The following EYS variants were observed in gnomAD, a reference collection of about 807,000 sequenced individuals.
The protein encoded by EYS is protein eyes shut homolog.
EYS carries 250 observed loss-of-function variants against 282.1 expected under a neutral mutation model. The ratio of observed to expected loss-of-function variants is 0.89; its 90% CI spans 0.80 to 0.98. EYS has a LOEUF of 0.98. Among genes scored for constraint, EYS ranks in the 50% least tolerant of loss-of-function variants. The pLI is 0.00. For synonymous variants in EYS, 1,355 were observed against 1,282.9 expected (o/e 1.06, Z -1.20); for missense variants, 4,016 against 3,709.0 (o/e 1.08, Z -2.15).
chr6:64,926,930 A>G (rs1768536418), intron 15 of EYS, among the ~76,000 whole-genome samples: 1 of 152,248 alleles, frequency 6.6e-6, no homozygotes, highest in Non-Finnish European at 1.5e-5. Flanking sequence ...CAGGCGATAT[A>G]CGTCATGATT....
chr6:64,214,781 A>T (rs1562256712), intron 31 of EYS, among the ~76,000 whole-genome samples: 1 of 152,072 alleles, frequency 6.6e-6, no homozygotes, highest in African/African-American at 2.4e-5. Flanking sequence ...CATTTATGTT[A>T]TGGAATTTAT....
At chr6:63,803,512 C>G (rs979788495) in intron 37 of EYS, among the ~76,000 whole-genome samples, 1 of 152,156 alleles carries the variant, frequency 6.6e-6, no homozygotes, top group African/African-American at 2.4e-5. Flanking sequence ...TAATGCAGAA[C>G]AGGCTGTCCA....
At chr6:65,073,468 A>G (rs955731499) in intron 12 of EYS, among the ~76,000 whole-genome samples, 1 of 151,760 alleles carries the variant, frequency 6.6e-6, no homozygotes, top group Non-Finnish European at 1.5e-5. Context: ...TCAATATGAG[A>G]ATAGGTAGTG....
chr6:64,535,790 G>A (rs923629387), intron 26 of EYS, among the ~76,000 whole-genome samples: 3 of 151,652 alleles, frequency 2.0e-5, no homozygotes, highest in African/African-American at 7.3e-5. Flanking sequence ...AAACATTGAC[G>A]GATTAAAATG....
At chr6:65,574,039 T>C (rs73449371) in intron 2 of EYS, among the ~76,000 whole-genome samples, 13,622 of 152,188 alleles carry the variant, frequency 0.09, 843 homozygotes, top group African/African-American at 0.15. Flanking sequence ...TCACAGACAG[T>C]AACCAACATG....
At chr6:64,273,345 C>A (rs923563048) in intron 30 of EYS, among the ~76,000 whole-genome samples, 2 of 152,056 alleles carry the variant, frequency 1.3e-5, no homozygotes, top group African/African-American at 4.8e-5. Context: ...GCATAAAGTC[C>A]ATTTTTCCTT....
At chr6:65,271,707 C>T (rs1465679842) in intron 12 of EYS, among the ~76,000 whole-genome samples, 2 of 151,992 alleles carry the variant, frequency 1.3e-5, no homozygotes, top group African/African-American at 4.8e-5. Flanking sequence ...CTCAATCTCC[C>T]TCATAGCTGG....
Position 64,890,056 on chromosome 6 carries a change from C to CCT in EYS, c.2847-3215_2847-3214insAG, listed in dbSNP as rs1554214898. Among the ~76,000 whole-genome samples, 95 of 139,152 alleles carry CCT rather than the reference C, an allele frequency of 6.8e-4. No individual in the cohort carries two copies. In the East Asian group the frequency reaches 7.2e-3, roughly 10 times the overall value. 91.3% of individuals were successfully genotyped at this position (139,152 alleles called of 152,430 possible). ...ATAGGCCTATAAATGCCCCCCCCCC[C>CCT]CAAGGTGTGCCCATCTCTTATGGTT... is the stretch of plus-strand genomic sequence containing the variant. On this transcript the variant is annotated intron_variant, in intron 18 of 42. Coordinates refer to ENST00000503581, the MANE Select transcript of EYS (RefSeq NM_001142800.2).
At chr6:63,904,739 C>T (rs1229428515) in intron 35 of EYS, among the ~76,000 whole-genome samples, 1 of 152,164 alleles carries the variant, frequency 6.6e-6, no homozygotes, top group African/African-American at 2.4e-5. Context: ...CCTGGAGAAG[C>T]AACAGGCATT....
At chr6:64,577,598 G>T (rs568970920) in intron 26 of EYS, among the ~76,000 whole-genome samples, 15 of 152,122 alleles carry the variant, frequency 9.9e-5, no homozygotes, top group African/African-American at 3.6e-4. Flanking sequence ...TAGTTAAGTA[G>T]AGTTCCTCAA....
intron 15 of EYS, among the ~76,000 whole-genome samples, chr6:64,919,271 A>T (rs887172024): frequency 1.3e-5 from 2 of 152,090 alleles, no homozygotes; most frequent in African/African-American, 4.8e-5. Context: ...GCCCGGGTTC[A>T]AGCGATTCTC....
intron 35 of EYS, among the ~76,000 whole-genome samples, chr6:63,938,712 TATTTCATCCAAAATCATACCAA>T (rs1765144863): frequency 6.6e-6 from 1 of 152,242 alleles, no homozygotes; most frequent in Non-Finnish European, 1.5e-5. Context: ...TTAACACATC[TATTTCATCCAAAATCATACCAA>T]AATGAGTTGG....
At chr6:64,310,298 C>T (rs2150377912) in intron 29 of EYS, among the ~76,000 whole-genome samples, 1 of 152,248 alleles carries the variant, frequency 6.6e-6, no homozygotes, top group South Asian at 2.1e-4. Flanking sequence ...TTCACTGCAA[C>T]ACTATTCACA....
chr6:63,829,904 C>A (rs929755745), intron 36 of EYS, among the ~76,000 whole-genome samples: 12 of 152,192 alleles, frequency 7.9e-5, no homozygotes, highest in Non-Finnish European at 1.3e-4. Context: ...TGCCATTCTG[C>A]AATATTTGCT....
chr6:64,263,125 G>A (rs1922947), intron 30 of EYS, among the ~76,000 whole-genome samples: 112,637 of 151,828 alleles, frequency 0.74, 42,166 homozygotes, highest in African/African-American at 0.85. Flanking sequence ...CAAGGATAAA[G>A]AAGTAATCTG....
Position 65,252,056 on chromosome 6 carries a change from G to A in EYS, c.2023+43807C>T, listed in dbSNP as rs543484932. ...CCAGGGGGTAGGGGCGACTCCTATT[G>A]TTTTTGTTTTATATTGCCTTTTCTT... On this transcript the variant is annotated intron_variant, in intron 12 of 42. Coordinates refer to ENST00000503581, the MANE Select transcript of EYS (RefSeq NM_001142800.2). Among the ~76,000 whole-genome samples, 5 of 151,986 alleles carry A rather than the reference G, an allele frequency of 3.3e-5. No individual in the cohort carries two copies. In the South Asian group the frequency reaches 1.0e-3, roughly 32 times the overall value.
intron 35 of EYS, among the ~76,000 whole-genome samples, chr6:63,883,174 G>A (rs1000334799): frequency 5.9e-5 from 9 of 152,176 alleles, no homozygotes; most frequent in Admixed American, 3.3e-4. Context: ...TTTGGAAGCC[G>A]AAGTTGGAAC....
At chr6:65,297,236 A>T (rs1466368307) in intron 11 of EYS, among the ~76,000 whole-genome samples, 1 of 151,882 alleles carries the variant, frequency 6.6e-6, no homozygotes, top group African/African-American at 2.4e-5. Context: ...ATTTTCAAGA[A>T]TTCTTTACCA....
chr6:63,818,272 TAAA>T (rs957398610), intron 36 of EYS, among the ~76,000 whole-genome samples: 3 of 152,228 alleles, frequency 2.0e-5, no homozygotes, highest in African/African-American at 4.8e-5. Context: ...TGTCATTTGA[TAAA>T]AAGGGATCTG....
Sources: allele counts gnomAD v4.1 joint callset (sites outside exome capture counted in the v4.1 genomes callset), GRCh38; gene constraint gnomAD v4.1.1; transcripts MANE v1.5; gene names NCBI Gene and HGNC (gene_info 2026-07-23, HGNC 2026-07-21).